DCDC1: variants seen among roughly 807,000 people sequenced by gnomAD.
DCDC1 encodes doublecortin domain-containing protein 1.
A neutral mutation model predicts 178.3 loss-of-function variants in DCDC1; 200 were observed. The ratio of observed to expected loss-of-function variants is 1.12; its 90% CI spans 1.00 to 1.26. The LOEUF (loss-of-function observed/expected upper bound fraction) is 1.26. Ranked by LOEUF, DCDC1 falls within the 50% of genes most tolerant of loss-of-function variation. The pLI, the probability that DCDC1 is intolerant of heterozygous loss-of-function variation, is 0.00. For synonymous variants in DCDC1, 690 were observed against 604.8 expected (o/e 1.14, Z -2.07); for missense variants, 1,983 against 1,749.2 (o/e 1.13, Z -2.38).
chr11:31,290,931 T>A, intron 6 of DCDC1, 79 bp from the exon 7 acceptor site: 1 of 1,291,698 alleles, frequency 7.7e-7, no homozygotes, highest in Non-Finnish European at 1.1e-6. Flanking sequence ...CCTCCCTCTA[T>A]TACCTGTGTA....
chr11:30,969,693 C>T (rs746386448), intron 20 of DCDC1, among the ~76,000 whole-genome samples: 12 of 152,248 alleles, frequency 7.9e-5, no homozygotes, highest in Middle Eastern at 3.4e-3. Flanking sequence ...TTCATATTTG[C>T]ATATTCCTCT....
intron 9 of DCDC1, among the ~76,000 whole-genome samples, chr11:31,176,376 G>C (rs1239886445): frequency 1.3e-5 from 2 of 152,126 alleles, no homozygotes; most frequent in Non-Finnish European, 2.9e-5. Flanking sequence ...ATACAAAAAT[G>C]AGCAAAGCCT....
intron 9 of DCDC1, among the ~76,000 whole-genome samples, chr11:31,207,491 A>T (rs1971997453): frequency 6.6e-6 from 1 of 152,148 alleles, no homozygotes; most frequent in Admixed American, 6.5e-5. Context: ...GAACTATATC[A>T]TCTTCTCTCC....
intron 3 of DCDC1, among the ~76,000 whole-genome samples, chr11:31,310,475 C>T (rs748080353): frequency 8.6e-5 from 13 of 151,838 alleles, no homozygotes; most frequent in South Asian, 6.2e-4. Flanking sequence ...CATGCAACCA[C>T]GCCCAGCTGA....
rs117489098 is a variant in DCDC1, at chr11:31,145,619, G to A, written c.1222-7835C>T. ...GAGAAAATGTGGTTCTTCTCTTTGGGTAGAGTAATGAGAAATTTGAATGAG... is the reference window on the plus strand; with the variant it reads ...GAGAAAATGTGGTTCTTCTCTTTGGATAGAGTAATGAGAAATTTGAATGAG... On this transcript the variant is annotated intron_variant, in intron 9 of 38. Coordinates refer to ENST00000684477, the MANE Select transcript of DCDC1 (RefSeq NM_001387274.1). Among the ~76,000 whole-genome samples, 115 of 152,288 alleles carry A rather than the reference G, an allele frequency of 7.6e-4. 1 individual carries two copies. In the East Asian group the frequency reaches 0.02, roughly 27 times the overall value.
At chr11:31,201,530 A>G (rs1447918840) in intron 9 of DCDC1, among the ~76,000 whole-genome samples, 1 of 152,072 alleles carries the variant, frequency 6.6e-6, no homozygotes, top group African/African-American at 2.4e-5. Context: ...ATAGCTTCTT[A>G]AAGTCTCTTG....
rs117466344 is a variant in DCDC1, at chr11:31,260,404, T to C, written c.1054+5103A>G. Among the ~76,000 whole-genome samples the C allele has an allele frequency of 6.5e-3, 990 of 152,338 alleles. 8 individuals are homozygous for C. Among genetic ancestry groups the C allele is most frequent in the Non-Finnish European group, 0.011 (768 of 68,032 alleles). On this transcript the variant is annotated intron_variant, in intron 8 of 38. Transcript: ENST00000684477. The stretch of plus-strand genomic sequence containing the variant: ...TCTCTATGTTATTGGAATTTTATGA[T>C]GAAATATCCTGTACTTAATCTAATT...
At chr11:31,122,085 A>G (rs1960895156) in intron 11 of DCDC1, among the ~76,000 whole-genome samples, 1 of 152,092 alleles carries the variant, frequency 6.6e-6, no homozygotes, top group African/African-American at 2.4e-5. Flanking sequence ...AGGCCATTCC[A>G]TATACACCCA....
chr11:31,000,233 T>A (rs1341329306), intron 20 of DCDC1, among the ~76,000 whole-genome samples: 1 of 152,210 alleles, frequency 6.6e-6, no homozygotes, highest in Non-Finnish European at 1.5e-5. Flanking sequence ...CAATGCCCTA[T>A]ATCAAATGAA....
intron 18 of DCDC1, among the ~76,000 whole-genome samples, chr11:31,069,837 T>C (rs889313287): frequency 6.6e-6 from 1 of 152,122 alleles, no homozygotes; most frequent in Non-Finnish European, 1.5e-5. Flanking sequence ...CTTCAATATA[T>C]AATATATCCA....
intron 20 of DCDC1, among the ~76,000 whole-genome samples, chr11:30,969,979 A>G (rs1257598993): frequency 6.6e-6 from 1 of 152,214 alleles, no homozygotes; most frequent in Non-Finnish European, 1.5e-5. Context: ...CACTTCTAAT[A>G]GATCATCTAA....
At chr11:31,202,569 TCAAA>T (rs1164056138) in intron 9 of DCDC1, among the ~76,000 whole-genome samples, 4 of 152,134 alleles carry the variant, frequency 2.6e-5, no homozygotes, top group African/African-American at 4.8e-5. Context: ...AGACCCTGTC[TCAAA>T]CAAACAAACA....
At chr11:31,340,066 A>G (rs1184058965) in intron 1 of DCDC1, among the ~76,000 whole-genome samples, 3 of 152,182 alleles carry the variant, frequency 2.0e-5, no homozygotes, top group African/African-American at 4.8e-5. Flanking sequence ...AAGAACAAAA[A>G]GCATTTCCTC....
intron 17 of DCDC1, among the ~76,000 whole-genome samples, chr11:31,079,648 T>C (rs1590970142): frequency 6.6e-6 from 1 of 152,052 alleles, no homozygotes; most frequent in African/African-American, 2.4e-5. Flanking sequence ...AATTGAATTG[T>C]AGGACACACA....
At chr11:31,138,021 G>C (rs1963365214) in intron 9 of DCDC1, among the ~76,000 whole-genome samples, 1 of 152,162 alleles carries the variant, frequency 6.6e-6, no homozygotes, top group Admixed American at 6.5e-5. Flanking sequence ...TAGGGCAAGA[G>C]TGTCCTTAAC....
intron 20 of DCDC1, among the ~76,000 whole-genome samples, chr11:31,035,670 T>A (rs980501476): frequency 1.3e-5 from 2 of 152,246 alleles, no homozygotes; most frequent in African/African-American, 4.8e-5. Context: ...GTAAAATAAC[T>A]ATATTTCCTT....
At chr11:30,982,589 G>A (rs534252067) in intron 20 of DCDC1, among the ~76,000 whole-genome samples, 1 of 152,226 alleles carries the variant, frequency 6.6e-6, no homozygotes, top group East Asian at 1.9e-4. Flanking sequence ...CAAATAAATT[G>A]CAGATTTTTT....
chr11:31,255,878 C>A (rs1944389671), intron 8 of DCDC1, among the ~76,000 whole-genome samples: 3 of 152,164 alleles, frequency 2.0e-5, no homozygotes, highest in African/African-American at 7.2e-5. Flanking sequence ...CTTTTGATAT[C>A]ATTTCTAAAA....
At chr11:31,299,612 T>C (rs887396271) in intron 6 of DCDC1, among the ~76,000 whole-genome samples, 10 of 152,176 alleles carry the variant, frequency 6.6e-5, no homozygotes, top group Non-Finnish European at 7.4e-5. Context: ...ACTTGGCAGG[T>C]ATTTTAATTT....
Sources: allele counts gnomAD v4.1 joint callset (sites outside exome capture counted in the v4.1 genomes callset), GRCh38; gene constraint gnomAD v4.1.1; transcripts MANE v1.5; gene names NCBI Gene and HGNC (gene_info 2026-07-23, HGNC 2026-07-21).